Variants in ABTB3 observed in about 807,000 individuals in gnomAD.
The protein encoded by ABTB3 is ankyrin repeat and BTB domain containing 3.
the ABTB3 span, among the ~76,000 whole-genome samples, chr12:107,631,346 C>T: frequency 6.6e-6 from 1 of 152,190 alleles, no homozygotes; most frequent in Admixed American, 6.5e-5. Flanking sequence ...TTATCCAGTG[C>T]ACCACTGATG....
At chr12:107,569,591 A>G in the ABTB3 span, among the ~76,000 whole-genome samples, 2 of 152,248 alleles carry the variant, frequency 1.3e-5, no homozygotes, top group African/African-American at 4.8e-5. Flanking sequence ...TGTTTAGATG[A>G]TAACTGTTAA....
the ABTB3 span, among the ~76,000 whole-genome samples, chr12:107,631,785 A>C: frequency 6.6e-6 from 1 of 152,182 alleles, no homozygotes; most frequent in Admixed American, 6.5e-5. Context: ...AACCCTGGAG[A>C]GAAAGACACC....
At chr12:107,454,386 A>G in the ABTB3 span, among the ~76,000 whole-genome samples, 1 of 152,236 alleles carries the variant, frequency 6.6e-6, no homozygotes, top group Non-Finnish European at 1.5e-5. Flanking sequence ...CACAGCTTGC[A>G]TGGCCATGAA....
the ABTB3 span, among the ~76,000 whole-genome samples, chr12:107,554,643 C>T: frequency 6.6e-6 from 1 of 152,196 alleles, no homozygotes; most frequent in Admixed American, 6.5e-5. Context: ...CAGAGCCTCT[C>T]AAACATTAAT....
At chr12:107,346,741 G>A in the ABTB3 span, among the ~76,000 whole-genome samples, 1 of 152,204 alleles carries the variant, frequency 6.6e-6, no homozygotes, top group African/African-American at 2.4e-5. Flanking sequence ...TTACAGGCGT[G>A]AGCCACCATG....
the ABTB3 span, among the ~76,000 whole-genome samples, chr12:107,579,364 A>G: frequency 8.5e-5 from 13 of 152,158 alleles, no homozygotes; most frequent in South Asian, 1.2e-3. Context: ...TACACATGCT[A>G]TATAGTCAAG....
chr12:107,581,637 G>GT, the ABTB3 span, among the ~76,000 whole-genome samples: 1 of 152,098 alleles, frequency 6.6e-6, no homozygotes, highest in South Asian at 2.1e-4. Context: ...TCTTCCTGTA[G>GT]TTTTTTAACC....
At chr12:107,450,415 C>A in the ABTB3 span, among the ~76,000 whole-genome samples, 3 of 152,050 alleles carry the variant, frequency 2.0e-5, no homozygotes, top group African/African-American at 7.2e-5. Flanking sequence ...AGACTCCATC[C>A]CTCGATGGAG....
chr12:107,614,989 C>T, the ABTB3 span: 70 of 1,325,990 alleles, frequency 5.3e-5, no homozygotes, highest in East Asian at 1.6e-3. Context: ...TGCCCAGCCA[C>T]AGATACGTCA....
the ABTB3 span, among the ~76,000 whole-genome samples, chr12:107,496,516 A>G: frequency 6.6e-6 from 1 of 152,212 alleles, no homozygotes; most frequent in African/African-American, 2.4e-5. Context: ...AAATGGAGGC[A>G]GCAAAGATGA....
the ABTB3 span, among the ~76,000 whole-genome samples, chr12:107,377,040 C>T: frequency 6.6e-6 from 1 of 152,146 alleles, no homozygotes; most frequent in Non-Finnish European, 1.5e-5. Context: ...CTCAGATACC[C>T]CTTCAGGACT....
the ABTB3 span, among the ~76,000 whole-genome samples, chr12:107,628,090 C>T: frequency 7.2e-5 from 11 of 152,266 alleles, no homozygotes; most frequent in Non-Finnish European, 7.4e-5. Flanking sequence ...CTCCTCATAA[C>T]GCAGCCTAGC....
At chr12:107,540,264 A>T in the ABTB3 span, among the ~76,000 whole-genome samples, 3 of 152,268 alleles carry the variant, frequency 2.0e-5, no homozygotes, top group African/African-American at 7.2e-5. Context: ...CTCATATGGC[A>T]GGAGGTGGAA....
chr12:107,393,245 G>A, the ABTB3 span, among the ~76,000 whole-genome samples: 1 of 150,756 alleles, frequency 6.6e-6, no homozygotes, highest in Admixed American at 6.7e-5. Context: ...TTTCTAATGA[G>A]GTCATGGGAA....
At chr12:107,557,869 C>A in the ABTB3 span, among the ~76,000 whole-genome samples, 2 of 152,200 alleles carry the variant, frequency 1.3e-5, no homozygotes, top group Non-Finnish European at 2.9e-5. Context: ...CCAGAACTTG[C>A]TTCCTTTGCC....
chr12:107,621,879 G>A, the ABTB3 span, among the ~76,000 whole-genome samples: 1 of 152,214 alleles, frequency 6.6e-6, no homozygotes, highest in Non-Finnish European at 1.5e-5. Context: ...TCTACAGGCT[G>A]AAGCATACAA....
At chr12:107,369,707 GTTTTTTTTTTTT>G in the ABTB3 span, among the ~76,000 whole-genome samples, 1 of 76,154 alleles carries the variant, frequency 1.3e-5, no homozygotes, top group African/African-American at 6.7e-5. Flanking sequence ...CCCAAACATG[GTTTTTTTTTTTT>G]TTTTTTTTTT....
chr12:107,421,874 A>G, the ABTB3 span, among the ~76,000 whole-genome samples: 15 of 152,200 alleles, frequency 9.9e-5, 1 homozygote, highest in Admixed American at 9.2e-4. Flanking sequence ...GCATTTACTC[A>G]GGCTCTCGAC....
At chr12:107,475,863 G>T in the ABTB3 span, among the ~76,000 whole-genome samples, 1 of 152,044 alleles carries the variant, frequency 6.6e-6, no homozygotes, top group Non-Finnish European at 1.5e-5. Context: ...GACAACAGAG[G>T]ATGTCCCGAC....
Sources: gnomAD v4.1 joint callset for allele counts (sites outside exome capture counted in the v4.1 genomes callset) on GRCh38, gnomAD v4.1.1 for gene constraint, MANE v1.5 for transcripts, NCBI Gene and HGNC (gene_info 2026-07-23, HGNC 2026-07-21) for gene names.